Variants in CD70 observed in about 807,000 individuals in gnomAD.
CD70 encodes the protein CD70 molecule, also known as CD70 antigen.
CD70 carries 6 observed loss-of-function variants against 9.0 expected under a neutral mutation model. That is an observed-to-expected ratio of 0.67 (90% confidence interval 0.37 to 1.32). The LOEUF (loss-of-function observed/expected upper bound fraction) is 1.32, where lower values mean the gene tolerates loss of function less well. Among genes scored for constraint, CD70 ranks in the 40% most tolerant of loss-of-function variants. The pLI is 0.02. For missense variants in CD70, 235 were observed against 258.7 expected, an observed-to-expected ratio of 0.91 and a Z score of 0.63; for synonymous variants, 108 against 112.3, an observed-to-expected ratio of 0.96 and a Z score of 0.24.
Position 6,586,363 on chromosome 19 carries a change from G to A in CD70, c.239C>T (p.Ala80Val). The change falls in exon 3 of 3, where the codon GCA becomes GTA. Residue 80 changes from alanine (A) to valine (V), a missense_variant. Transcript: ENST00000245903. ...TCCATGCAGGAAGGAGCGGCCCAGT[G>A]CTGGGCCCCCCTGCCAGTATAGCCT... ...DPRLYWQGGP[A>V]LGRSFLHGPE... 6.2e-7 allele frequency: 1 copy of A among 1,612,642 alleles called. No homozygotes were observed. Among genetic ancestry groups the A allele is most frequent in the Non-Finnish European group, 8.5e-7 (1 of 1,179,834 alleles).
rs1231375759 is a variant in CD70 at position 6,590,643 on chromosome 19, T to G, written c.162+198A>C. Among the ~76,000 whole-genome samples, 1 of 152,146 alleles carries G rather than the reference T, an allele frequency of 6.6e-6. No homozygotes were observed. Among genetic ancestry groups the G allele is most frequent in the Non-Finnish European group, 1.5e-5 (1 of 68,010 alleles). On this transcript the variant is annotated intron_variant, in intron 1 of 2. Transcript: ENST00000245903. This position sits in a 1 kb window ranked among gnomAD's most constrained non-coding sequence, Gnocchi z 5.3. ...TGCCTACCTTTCCCATCCCGGGATC[T>G]CCCTGTACCTCCTGGCAGGGCTGCC... is the stretch of plus-strand genomic sequence containing the variant.
rs763748622 is a variant in CD70, at chr19:6,590,976, C to T, written c.27G>A (p.Ser9=). Residue 9 remains serine (S), a synonymous_variant, in exon 1 of 3, where the codon TCG becomes TCA. Coordinates refer to ENST00000245903, the MANE Select transcript of CD70 (RefSeq NM_001252.5). The surrounding 1 kb of genome is among the most constrained non-coding windows in gnomAD (Gnocchi z 5.3). The stretch of plus-strand genomic sequence containing the variant: ...CGCACCCATAGGGCCTGCGCCGCAC[C>T]GAGCAGCCCGAACCCTCCTCCGGCA... MPEEGSGC[S]VRRRPYGCVL... 3 of 1,611,488 alleles carry T rather than the reference C, an allele frequency of 1.9e-6. No homozygotes were observed. In the Admixed American group the frequency reaches 5.0e-5, roughly 27 times the overall value.
At chr19:6,585,669 A>C (rs1189833290), downstream of CD70, among the ~76,000 whole-genome samples, 1 of 141,668 alleles carries the variant, frequency 7.1e-6, no homozygotes, top group Non-Finnish European at 1.5e-5. Flanking sequence ...AAACATCCCT[A>C]ACCAAGAACA....
chr19:6,585,870 A>G lies in CD70; in HGVS notation c.*150T>C, dbSNP rs942892112. The stretch of plus-strand genomic sequence containing the variant: ...TTGTATTTTTTAATAGGAAAATGAA[A>G]GAAAAAGCTCAATGCCTTCTCTTGT... On this transcript the variant is annotated 3_prime_UTR_variant, in exon 3 of 3. Transcript: ENST00000245903. The G allele has an allele frequency of 2.7e-5, 16 of 582,766 alleles. No homozygotes were observed. The highest frequency in any genetic ancestry group is 1.9e-4 in the Admixed American group (6 of 31,724). The allele number at this position is 582,766 out of a possible 1,614,324, so 36.1% of individuals were successfully genotyped here.
At chr19:6,586,512 G>A (rs1916021852) in intron 2 of CD70, 107 bp from the exon 3 acceptor site, 1 of 1,248,080 alleles carries the variant, frequency 8.0e-7, no homozygotes, top group Admixed American at 2.7e-5. Context: ...AGAGATCAAG[G>A]AATAGGTTGG....
chr19:6,588,541 C>G (rs567429560), intron 2 of CD70, among the ~76,000 whole-genome samples: 20 of 152,170 alleles, frequency 1.3e-4, no homozygotes, highest in Admixed American at 4.6e-4. Context: ...GAGGAAGAAG[C>G]GTTCGAGAGA....
At position 6,585,874 on chromosome 19, in the gene CD70, A is replaced by C; in HGVS notation, c.*146T>G. The C allele has an allele frequency of 1.7e-6, 1 of 585,602 alleles. No individual in the cohort carries two copies. The highest frequency in any genetic ancestry group is 3.0e-6 in the Non-Finnish European group (1 of 336,790). 36.3% of individuals were successfully genotyped at this position (585,602 alleles called of 1,614,324 possible). ...ATTTTTTAATAGGAAAATGAAAGAA[A>C]AAGCTCAATGCCTTCTCTTGTCCTG... On this transcript the variant is annotated 3_prime_UTR_variant, in exon 3 of 3. Coordinates refer to ENST00000245903, the MANE Select transcript of CD70 (RefSeq NM_001252.5).
chr19:6,586,301 C>T lies in CD70; in HGVS notation c.301G>A (p.Asp101Asn), dbSNP rs1289768494. The change falls in exon 3 of 3, where the codon GAT becomes AAT. Residue 101 changes from aspartate (D) to asparagine (N), a missense_variant. Coordinates refer to ENST00000245903, the MANE Select transcript of CD70 (RefSeq NM_001252.5). ...LDKGQLRIHR[D>N]GIYMVHIQVT... ...TGGATGTGTACCATGTAGATGCCAT[C>T]ACGATGGATACGTAGCTGCCCCTTG... 1.2e-6 allele frequency: 2 copies of T among 1,613,816 alleles called. No individual in the cohort carries two copies. The highest frequency in any genetic ancestry group is 1.7e-5 in the Admixed American group (1 of 60,016).
chr19:6,588,282 A>T (rs1317786033), intron 2 of CD70, among the ~76,000 whole-genome samples: 1 of 151,890 alleles, frequency 6.6e-6, no homozygotes, highest in Admixed American at 6.6e-5. Flanking sequence ...CACTGTCAAC[A>T]CCTGTGGCCA....
intron 2 of CD70, 37 bp from the exon 3 acceptor site, chr19:6,586,442 G>A (rs1458334335): frequency 5.1e-6 from 8 of 1,556,112 alleles, no homozygotes; most frequent in Non-Finnish European, 6.1e-6. Flanking sequence ...GAGGATGGAG[G>A]TTTAGGGAAA....
At chr19:6,589,969 C>T (rs897260207) in intron 2 of CD70, 134 bp downstream of exon 2, 17 of 583,744 alleles carry the variant, frequency 2.9e-5, no homozygotes, top group Non-Finnish European at 4.4e-5. Context: ...CCCTCCCTAT[C>T]TCTCCCTCCC....
chr19:6,584,506 A>C (rs199889831), downstream of CD70, among the ~76,000 whole-genome samples: 2 of 57,870 alleles, frequency 3.5e-5, no homozygotes, highest in Non-Finnish European at 4.0e-5. Context: ...ACTCCATCTC[A>C]AAAAAAAAGA....
downstream of CD70, among the ~76,000 whole-genome samples, chr19:6,582,891 G>A (rs1915946122): frequency 6.6e-6 from 1 of 152,148 alleles, no homozygotes; most frequent in African/African-American, 2.4e-5. Context: ...GTAAGTGGTG[G>A]GTTCCCATGG....
At chr19:6,587,654 G>A (rs1916058453) in intron 2 of CD70, among the ~76,000 whole-genome samples, 1 of 152,040 alleles carries the variant, frequency 6.6e-6, no homozygotes, top group South Asian at 2.1e-4. Context: ...CCACCCGCTG[G>A]TTGAGTGTGT....
chr19:6,585,643 A>G (rs1915998085), downstream of CD70, among the ~76,000 whole-genome samples: 1 of 151,414 alleles, frequency 6.6e-6, no homozygotes, highest in Non-Finnish European at 1.5e-5. Flanking sequence ...TGCCCAGCCC[A>G]CTTCCTCTAT....
At chr19:6,584,175 T>C (rs1489902715), downstream of CD70, among the ~76,000 whole-genome samples, 1 of 148,958 alleles carries the variant, frequency 6.7e-6, no homozygotes, top group Non-Finnish European at 1.5e-5. Flanking sequence ...TGGTGTTTGA[T>C]TACAAAATGC....
Position 6,590,943 on chromosome 19 carries a change from C to G in CD70, c.60G>C (p.Arg20=). 1 of 1,614,056 alleles carries G rather than the reference C, an allele frequency of 6.2e-7. No homozygotes were observed. The highest frequency in any genetic ancestry group is 8.5e-7 in the Non-Finnish European group (1 of 1,179,974). The change falls in exon 1 of 3, where the codon CGG becomes CGC. Residue 20 remains arginine, a synonymous_variant. Transcript: ENST00000245903. This position sits in a 1 kb window ranked among gnomAD's most constrained non-coding sequence, Gnocchi z 5.3. ...VRRRPYGCVL[R]AALVPLVAGL... ...CCGCGACCAATGGGACCAAAGCAGCCCGCAGGACGCACCCATAGGGCCTGC... is the reference window on the plus strand; with the variant it reads ...CCGCGACCAATGGGACCAAAGCAGCGCGCAGGACGCACCCATAGGGCCTGC...
At chr19:6,585,047 C>A (rs993180213), downstream of CD70, among the ~76,000 whole-genome samples, 11 of 152,140 alleles carry the variant, frequency 7.2e-5, no homozygotes, top group African/African-American at 2.7e-4. Context: ...AGTGCAATGA[C>A]GCGATCTTGG....
intron 2 of CD70, among the ~76,000 whole-genome samples, chr19:6,588,294 C>G (rs1304107606): frequency 6.6e-6 from 1 of 152,152 alleles, no homozygotes; most frequent in Non-Finnish European, 1.5e-5. Flanking sequence ...CTGTGGCCAC[C>G]ACCCCTGGTG....
Sources: allele counts gnomAD v4.1 joint callset (sites outside exome capture counted in the v4.1 genomes callset), GRCh38; gene constraint gnomAD v4.1.1; non-coding constraint Gnocchi (gnomAD v3.1); transcripts MANE v1.5; gene names NCBI Gene and HGNC (gene_info 2026-07-23, HGNC 2026-07-21).